CALD1: variants seen among roughly 807,000 people sequenced by gnomAD.
The protein encoded by CALD1 is caldesmon 1, also known as caldesmon.
A neutral mutation model predicts 99.9 loss-of-function variants in CALD1; 33 were observed. The ratio of observed to expected loss-of-function variants is 0.33; its 90% CI spans 0.25 to 0.44. The LOEUF is 0.44. Ranked by LOEUF, CALD1 falls within the 20% of genes least tolerant of loss-of-function variation. The pLI is 1.00. For synonymous variants in CALD1, 310 were observed against 325.0 expected (o/e 0.95, Z 0.50); for missense variants, 861 against 962.1 (o/e 0.89, Z 1.39).
chr7:134,749,046 G>C (rs192337696), intron 1 of CALD1, among the ~76,000 whole-genome samples: 2 of 152,150 alleles, frequency 1.3e-5, no homozygotes, highest in Non-Finnish European at 2.9e-5. Flanking sequence ...TCCCGACTTC[G>C]GGAGCTGTGA....
At chr7:134,803,137 C>T (rs1798009044) in intron 1 of CALD1, among the ~76,000 whole-genome samples, 1 of 152,102 alleles carries the variant, frequency 6.6e-6, no homozygotes, top group Non-Finnish European at 1.5e-5. Flanking sequence ...TGTCTAATGA[C>T]AAATGATATT....
chr7:134,834,326 T>C (rs1174932774), intron 1 of CALD1, among the ~76,000 whole-genome samples: 1 of 152,246 alleles, frequency 6.6e-6, no homozygotes. Flanking sequence ...GAAAACTGTT[T>C]AGCCCATGAT....
rs575030530 is a variant in CALD1, at chr7:134,928,897, A to G, written c.215A>G (p.Asn72Ser). Residue 72 changes from asparagine (N) to serine (S), a missense_variant, in exon 4 of 15, where the codon AAC becomes AGC. Physicochemically the swap from Asn to Ser is conservative, Grantham distance 46. Around this residue, in one of 5 missense-constraint regions of CALD1, gnomAD observed 123 missense variants for 169.8 expected, o/e 0.72. Coordinates refer to ENST00000361675, the MANE Select transcript of CALD1 (RefSeq NM_033138.4). Reference protein sequence around the residue: ...VTDQVEVNAQNSVPDEEAKTT... With the variant: ...VTDQVEVNAQSSVPDEEAKTT... ...GACCAGGTGGAGGTGAATGCCCAGA[A>G]CAGGTACTGTCCTCTTTGGGACGGG... 95 of 1,611,194 alleles carry G rather than the reference A, an allele frequency of 5.9e-5. No individual in the cohort carries two copies. In the East Asian group the frequency reaches 1.8e-3, roughly 31 times the overall value.
intron 14 of CALD1, among the ~76,000 whole-genome samples, chr7:134,965,599 A>G (rs1808615683): frequency 6.6e-6 from 1 of 152,162 alleles, no homozygotes; most frequent in South Asian, 2.1e-4. Flanking sequence ...AATCCATGGA[A>G]TGGTTCTCAG....
chr7:134,907,078 CA>C (rs938697252), intron 3 of CALD1, among the ~76,000 whole-genome samples: 1 of 152,116 alleles, frequency 6.6e-6, no homozygotes, highest in African/African-American at 2.4e-5. Flanking sequence ...ATCGCATATA[CA>C]TGATGAAAGT....
chr7:134,933,560 G>C lies in CALD1; in HGVS notation c.791G>C (p.Arg264Thr), dbSNP rs1805707947. The change falls in exon 5 of 15, where the codon AGA (arginine) becomes ACA (threonine). Residue 264 changes from arginine (R) to threonine (T), a missense_variant. By Grantham distance (71) the Arg-to-Thr change is moderately conservative. Coordinates refer to ENST00000361675, the MANE Select transcript of CALD1 (RefSeq NM_033138.4). Reference sequence around the variant, plus strand: ...AAGATGGAAGAGGAAGACAAGGAAAGAGCTGAGGCAGAGAGGGCAAGGTTG... The same window carrying C: ...AAGATGGAAGAGGAAGACAAGGAAACAGCTGAGGCAGAGAGGGCAAGGTTG... ...HEKMEEEDKERAEAERARLEA... is the reference protein window; with the variant it reads ...HEKMEEEDKETAEAERARLEA... The C allele has an allele frequency of 6.2e-7, 1 of 1,613,750 alleles. No individual in the cohort carries two copies. The highest frequency in any genetic ancestry group is 8.5e-7 in the Non-Finnish European group (1 of 1,179,858).
intron 1 of CALD1, among the ~76,000 whole-genome samples, chr7:134,788,733 G>A (rs1443771956): frequency 6.6e-6 from 1 of 152,168 alleles, no homozygotes; most frequent in Middle Eastern, 3.2e-3. Context: ...ATAAATGTCA[G>A]GCTGGTAGTG....
At chr7:134,851,195 C>T (rs1800065813) in intron 2 of CALD1, among the ~76,000 whole-genome samples, 1 of 152,098 alleles carries the variant, frequency 6.6e-6, no homozygotes, top group Non-Finnish European at 1.5e-5. Context: ...GCTACCACTC[C>T]CCAAATAGTT....
At chr7:134,840,017 A>G (rs1384617156) in intron 1 of CALD1, among the ~76,000 whole-genome samples, 1 of 152,034 alleles carries the variant, frequency 6.6e-6, no homozygotes, top group Non-Finnish European at 1.5e-5. Flanking sequence ...TATTGCTAAT[A>G]TTTTCTCAAT....
In CALD1 at chr7:134,941,078, G is replaced by C; in HGVS notation, c.1387-14G>C. On this transcript the variant is annotated splice_polypyrimidine_tract_variant and intron_variant, in intron 6 of 14. Transcript: ENST00000361675. ...TTCTTGTTCTGTTTCTTCCTGATAT[G>C]TACTGTTGGTTAGATCAAAGATGAA... is the stretch of plus-strand genomic sequence containing the variant. The C allele has an allele frequency of 1.3e-6, 2 of 1,597,396 alleles. No homozygotes were observed. The highest frequency in any genetic ancestry group is 2.7e-5 in the African/African-American group (2 of 73,730).
intron 1 of CALD1, among the ~76,000 whole-genome samples, chr7:134,797,953 A>G (rs1040218569): frequency 6.6e-6 from 1 of 152,218 alleles, no homozygotes; most frequent in Non-Finnish European, 1.5e-5. Context: ...TTAAATTTAC[A>G]GAAAAGTAGC....
chr7:134,735,764 T>C, the CALD1 span, among the ~76,000 whole-genome samples: 1 of 152,344 alleles, frequency 6.6e-6, no homozygotes, highest in Middle Eastern at 3.4e-3. Flanking sequence ...AACTTTTTTC[T>C]AAAATGTTGT....
chr7:134,719,454 A>G, the CALD1 span, among the ~76,000 whole-genome samples: 2 of 152,182 alleles, frequency 1.3e-5, no homozygotes, highest in Admixed American at 6.5e-5. Flanking sequence ...ACCCAGGGTG[A>G]AGCCTAGGAA....
At chr7:134,845,394 T>C (rs1007039728) in intron 2 of CALD1, among the ~76,000 whole-genome samples, 1 of 152,150 alleles carries the variant, frequency 6.6e-6, no homozygotes, top group African/African-American at 2.4e-5. Context: ...TTCTCCTCAC[T>C]TCCTGCCCCC....
chr7:134,957,950 TA>T (rs1178777639), intron 9 of CALD1, 118 bp from the exon 10 acceptor site: 1 of 730,110 alleles, frequency 1.4e-6, no homozygotes, highest in Non-Finnish European at 2.4e-6. Context: ...GTAACTCAAA[TA>T]CCCTTATATG....
At chr7:134,922,601 G>A (rs1191646535) in intron 3 of CALD1, among the ~76,000 whole-genome samples, 1 of 152,160 alleles carries the variant, frequency 6.6e-6, no homozygotes. Flanking sequence ...GGGAAGCTGG[G>A]GTCGGGGGAC....
chr7:134,826,106 T>A (rs1163814573), intron 1 of CALD1, among the ~76,000 whole-genome samples: 2 of 152,074 alleles, frequency 1.3e-5, no homozygotes, highest in Non-Finnish European at 2.9e-5. Context: ...TTAAAAATTT[T>A]AAATTAAAGA....
intron 2 of CALD1, among the ~76,000 whole-genome samples, chr7:134,855,299 TATGAATACTCTCAC>T (rs1586119189): frequency 6.6e-6 from 1 of 152,206 alleles, no homozygotes; most frequent in East Asian, 1.9e-4. Context: ...TCAAGCACAA[TATGAATACTCTCAC>T]TTGAGGGGTA....
At chr7:134,716,694 T>A in the CALD1 span, among the ~76,000 whole-genome samples, 1 of 152,220 alleles carries the variant, frequency 6.6e-6, no homozygotes, top group South Asian at 2.1e-4. Context: ...GTAGAGTGGA[T>A]GTGAGCTAGT....
Sources: gnomAD v4.1 joint callset for allele counts (sites outside exome capture counted in the v4.1 genomes callset) on GRCh38, gnomAD v4.1.1 for gene constraint, gnomAD v4.1.1 regional missense constraint, MANE v1.5 for transcripts, NCBI Gene and HGNC (gene_info 2026-07-23, HGNC 2026-07-21) for gene names.